PDE7B: variants seen among roughly 807,000 people sequenced by gnomAD.
The protein encoded by PDE7B is 3',5'-cyclic-AMP phosphodiesterase 7B.
Under a neutral mutation model 56.2 loss-of-function variants are expected in PDE7B, and 29 were observed. That is an observed-to-expected ratio of 0.52 (90% CI 0.38 to 0.70). The LOEUF (loss-of-function observed/expected upper bound fraction) is 0.70, where lower values mean the gene tolerates loss of function less well. Ranked by LOEUF, PDE7B falls within the 30% of genes least tolerant of loss-of-function variation. The pLI is 0.00. For missense variants in PDE7B, 490 were observed against 565.0 expected (o/e 0.87, Z 1.35); for synonymous variants, 197 against 196.9 (o/e 1.00, Z 0.00).
chr6:135,872,976 A>G (rs749476547), intron 1 of PDE7B, among the ~76,000 whole-genome samples: 9 of 152,132 alleles, frequency 5.9e-5, no homozygotes, highest in Non-Finnish European at 1.0e-4. Context: ...CAGCAGATTA[A>G]AACTATCTTG....
intron 2 of PDE7B, chr6:136,012,585 A>G (rs1254619473): frequency 1.3e-5 from 2 of 152,208 alleles, no homozygotes; most frequent in African/African-American, 4.8e-5. Context: ...ATTCTCTTAC[A>G]TGGCAGCAGG....
chr6:136,120,149 A>C (rs758208921), intron 3 of PDE7B, among the ~76,000 whole-genome samples: 6 of 152,228 alleles, frequency 3.9e-5, no homozygotes, highest in African/African-American at 7.2e-5. Flanking sequence ...TTCCCATTTA[A>C]GAAGGGCATA....
intron 1 of PDE7B, among the ~76,000 whole-genome samples, chr6:135,879,668 C>G (rs1479987227): frequency 6.6e-6 from 1 of 152,064 alleles, no homozygotes; most frequent in Non-Finnish European, 1.5e-5. Flanking sequence ...TAATCCCTGT[C>G]CTTAAGGAAA....
intron 3 of PDE7B, among the ~76,000 whole-genome samples, chr6:136,136,394 G>A (rs1778211842): frequency 6.6e-6 from 1 of 151,984 alleles, no homozygotes; most frequent in Admixed American, 6.6e-5. Context: ...CAGAAATCTG[G>A]TCTCCAAAAC....
At chr6:136,116,637 A>G (rs1267050788) in intron 3 of PDE7B, among the ~76,000 whole-genome samples, 1 of 152,326 alleles carries the variant, frequency 6.6e-6, no homozygotes, top group East Asian at 1.9e-4. Flanking sequence ...TTAGAGGATG[A>G]GTTAGGGGAA....
intron 3 of PDE7B, among the ~76,000 whole-genome samples, chr6:136,118,957 A>G (rs1777884182): frequency 6.6e-6 from 1 of 152,176 alleles, no homozygotes; most frequent in Non-Finnish European, 1.5e-5. Flanking sequence ...GAAGACGCCA[A>G]ATGACAGACT....
Position 136,067,155 on chromosome 6 carries a change from A to C in PDE7B, c.83-41576A>C, listed in dbSNP as rs1776954199. 2.6e-5 allele frequency among the ~76,000 whole-genome samples: 4 copies of C among 152,118 alleles called. No homozygotes were observed. The South Asian group carries it at 6.2e-4, about 24-fold the overall frequency. On this transcript the variant is annotated intron_variant, in intron 2 of 12. Coordinates refer to ENST00000308191, the MANE Select transcript of PDE7B (RefSeq NM_018945.4). ...TGTGAGCCATTGCACCCAACACAAC[A>C]ACCATGTTTTTTCTCTGTAGGAATT...
chr6:136,058,646 C>G (rs567367472), intron 2 of PDE7B, among the ~76,000 whole-genome samples: 23 of 152,156 alleles, frequency 1.5e-4, no homozygotes, highest in Non-Finnish European at 3.2e-4. Flanking sequence ...GGCTTATAAA[C>G]CTCATCTTTT....
intron 3 of PDE7B, among the ~76,000 whole-genome samples, chr6:136,146,768 A>G (rs568123306): frequency 3.3e-4 from 51 of 152,356 alleles, no homozygotes; most frequent in Admixed American, 9.1e-4. Context: ...AATTTCACTT[A>G]GCATACCAGC....
At chr6:135,864,733 A>C (rs1478870477) in intron 1 of PDE7B, among the ~76,000 whole-genome samples, 1 of 151,562 alleles carries the variant, frequency 6.6e-6, no homozygotes, top group Non-Finnish European at 1.5e-5. Context: ...ATTTTGGAAA[A>C]TTTTCATTAA....
At chr6:136,000,317 CTT>C (rs1418538848) in intron 2 of PDE7B, among the ~76,000 whole-genome samples, 1 of 152,178 alleles carries the variant, frequency 6.6e-6, no homozygotes, top group Non-Finnish European at 1.5e-5. Flanking sequence ...GTCATGAAAA[CTT>C]TGCCCATTCC....
chr6:136,143,206 T>A (rs1055568250), intron 3 of PDE7B, among the ~76,000 whole-genome samples: 3 of 152,050 alleles, frequency 2.0e-5, no homozygotes, highest in African/African-American at 4.8e-5. Flanking sequence ...TGGGGTTTTT[T>A]AAACACCATC....
At chr6:135,990,835 A>G (rs552374970) in intron 2 of PDE7B, among the ~76,000 whole-genome samples, 141 of 152,362 alleles carry the variant, frequency 9.3e-4, no homozygotes, top group Admixed American at 1.5e-3. Flanking sequence ...GCTAAGTGAC[A>G]GTAAGTTTAT....
intron 2 of PDE7B, among the ~76,000 whole-genome samples, chr6:135,991,213 T>C (rs1775473832): frequency 6.6e-6 from 1 of 152,198 alleles, no homozygotes; most frequent in African/African-American, 2.4e-5. Flanking sequence ...GCCAACATCC[T>C]ATCTCATCCT....
chr6:135,958,378 T>G (rs1774837877), intron 2 of PDE7B, among the ~76,000 whole-genome samples: 1 of 152,238 alleles, frequency 6.6e-6, no homozygotes, highest in Admixed American at 6.5e-5. Flanking sequence ...TTTTAAAATG[T>G]TCCAGAGACA....
intron 1 of PDE7B, among the ~76,000 whole-genome samples, chr6:135,908,671 T>C (rs1404228615): frequency 2.0e-5 from 3 of 152,114 alleles, no homozygotes; most frequent in Admixed American, 6.6e-5. Flanking sequence ...TAGAGCTATA[T>C]CTCAAAATGG....
At chr6:136,107,177 CT>C (rs927596312) in intron 2 of PDE7B, among the ~76,000 whole-genome samples, 3 of 152,152 alleles carry the variant, frequency 2.0e-5, no homozygotes, top group African/African-American at 7.2e-5. Flanking sequence ...TGATGGGGAT[CT>C]CACCCAGGCC....
At chr6:136,092,153 T>C (rs1425714979) in intron 2 of PDE7B, among the ~76,000 whole-genome samples, 1 of 152,220 alleles carries the variant, frequency 6.6e-6, no homozygotes, top group African/African-American at 2.4e-5. Context: ...GAATAGGTAT[T>C]CAATGAAGAT....
At chr6:135,858,212 G>GCACGATCTTGTCT (rs1393141445) in intron 1 of PDE7B, among the ~76,000 whole-genome samples, 2 of 151,890 alleles carry the variant, frequency 1.3e-5, no homozygotes, top group African/African-American at 4.8e-5. Flanking sequence ...GAGTGAAGTG[G>GCACGATCTTGTCT]CACGATCTTG....
Sources: gnomAD v4.1 joint callset for allele counts (sites outside exome capture counted in the v4.1 genomes callset) on GRCh38, gnomAD v4.1.1 for gene constraint, MANE v1.5 for transcripts, NCBI Gene and HGNC (gene_info 2026-07-23, HGNC 2026-07-21) for gene names.